The following NCOA3 variants were observed in gnomAD, a reference collection of about 807,000 sequenced individuals.
NCOA3 encodes nuclear receptor coactivator 3.
In NCOA3, 51 loss-of-function variants were observed where a neutral mutation model predicts 158.8. That is an observed-to-expected ratio of 0.32 (90% CI 0.26 to 0.41). NCOA3 has a LOEUF of 0.41. Among genes scored for constraint, NCOA3 ranks in the 10% least tolerant of loss-of-function variants. NCOA3 has a pLI of 1.00. For synonymous variants in NCOA3, 537 were observed against 592.4 expected, an observed-to-expected ratio of 0.91 and a Z score of 1.36; for missense variants, 1,510 against 1,746.6, an observed-to-expected ratio of 0.86 and a Z score of 2.41.
Position 47,649,073 on chromosome 20 carries a change from GATGAGGCCT to G in NCOA3, c.3620_3628del (p.Arg1207_Met1209del). ...ACCCTACTGCTGGTGGTGCTGCGGT[GATGAGGCCT>G]ATGATGCAGCCCCAGGTGAGCTCCC... On this transcript the variant is annotated inframe_deletion, in exon 19 of 23. Coordinates refer to ENST00000371998, the MANE Select transcript of NCOA3 (RefSeq NM_181659.3). 1.2e-6 allele frequency: 2 copies of G among 1,614,062 alleles called. No individual in the cohort carries two copies. Among genetic ancestry groups the G allele is most frequent in the Non-Finnish European group, 1.7e-6 (2 of 1,179,964 alleles).
rs112718266 is a variant in NCOA3, at chr20:47,537,352, A to G, written c.-99+35333A>G. On this transcript the variant is annotated intron_variant, in intron 1 of 22. Coordinates refer to ENST00000371998, the MANE Select transcript of NCOA3 (RefSeq NM_181659.3). Reference sequence around the variant, plus strand: ...GTGTAATTTACTTTTGCCTGTGGTCATCACTTCTACCTCTTAATGGAGTGT... The same window carrying G: ...GTGTAATTTACTTTTGCCTGTGGTCGTCACTTCTACCTCTTAATGGAGTGT... Among the ~76,000 whole-genome samples the G allele has an allele frequency of 7.6e-3, 1,090 of 144,066 alleles. 22 individuals carry two copies. Among genetic ancestry groups the G allele is most frequent in the African/African-American group, 0.027 (1,032 of 38,342 alleles). The allele number at this position is 144,066 out of a possible 152,430, so 94.5% of individuals were successfully genotyped here. A position where few individuals can be genotyped will look rare whatever the true frequency, so the allele number is the denominator to read the frequency against.
intron 2 of NCOA3, among the ~76,000 whole-genome samples, chr20:47,616,440 A>G (rs1353648367): frequency 6.6e-6 from 1 of 151,654 alleles, no homozygotes; most frequent in Admixed American, 6.6e-5. Flanking sequence ...TGATCCGCCC[A>G]CCTCGGCCTC....
At chr20:47,632,786 G>A (rs1238544878) in intron 8 of NCOA3, among the ~76,000 whole-genome samples, 3 of 150,698 alleles carry the variant, frequency 2.0e-5, no homozygotes, top group Admixed American at 6.6e-5. Flanking sequence ...AGGTTCCAGC[G>A]ATTCTCCTGC....
rs1350809001 is a variant in NCOA3 at position 47,635,543 on chromosome 20, G to C, written c.1334G>C (p.Gly445Ala). The part of the protein sequence containing the change: ...GSSNIASLTP[G>A]PGMQSPSSYQ... ...AGTAACATAGCTTCATTGACCCCTG[G>C]GCCAGGCATGCAATCACCATCTTCC... is the stretch of plus-strand genomic sequence containing the variant. Residue 445 changes from glycine (G) to alanine (A), a missense_variant, in exon 11 of 23, where the codon GGG becomes GCG. By Grantham distance (60) the Gly-to-Ala change is moderately conservative. Transcript: ENST00000371998. 2.5e-6 allele frequency: 4 copies of C among 1,613,924 alleles called. No homozygotes were observed. Among genetic ancestry groups the C allele is most frequent in the Non-Finnish European group, 3.4e-6 (4 of 1,180,038 alleles).
Position 47,624,083 on chromosome 20 carries a change from GGTAATAAA to G in NCOA3, c.256+1_256+8del, listed in dbSNP as rs1265980039. The G allele has an allele frequency of 6.3e-7, 1 of 1,599,028 alleles. No individual in the cohort carries two copies. The highest frequency in any genetic ancestry group is 2.2e-5 in the East Asian group (1 of 44,594). ...ACAGATACGTCAAATAAAAGAGCAA[GGTAATAAA>G]AACACTCATGTCTTTTTGAACAGTG... On this transcript the variant is annotated splice_donor_variant and splice_donor_5th_base_variant and intron_variant, in intron 4 of 22. Transcript: ENST00000371998. LOFTEE classifies it high-confidence loss of function.
chr20:47,541,008 A>G (rs192105882), intron 1 of NCOA3, among the ~76,000 whole-genome samples: 9 of 152,252 alleles, frequency 5.9e-5, no homozygotes, highest in Middle Eastern at 3.4e-3. Flanking sequence ...TAATTTTTTT[A>G]AATCTCCATA....
intron 16 of NCOA3, among the ~76,000 whole-genome samples, chr20:47,641,624 G>A (rs544539996): frequency 2.1e-5 from 3 of 142,308 alleles, no homozygotes; most frequent in East Asian, 2.2e-4. Flanking sequence ...TCAGCCTCCC[G>A]ACTAGCTGGG....
chr20:47,626,607 C>T (rs1431690404), intron 5 of NCOA3, among the ~76,000 whole-genome samples: 1 of 151,782 alleles, frequency 6.6e-6, no homozygotes, highest in Non-Finnish European at 1.5e-5. Flanking sequence ...ACACATTCTA[C>T]TTACTACTGT....
Position 47,516,029 on chromosome 20 carries a change from T to C in NCOA3, c.-99+14010T>C, listed in dbSNP as rs6018525. 7.2e-3 allele frequency among the ~76,000 whole-genome samples: 1,103 copies of C among 152,198 alleles called. 22 individuals carry two copies. The highest frequency in any genetic ancestry group is 0.025 in the African/African-American group (1,045 of 41,544). On this transcript the variant is annotated intron_variant, in intron 1 of 22. Coordinates refer to ENST00000371998, the MANE Select transcript of NCOA3 (RefSeq NM_181659.3). Reference sequence around the variant, plus strand: ...AGAAAGATCAGTGGTTGCCAGGAGTTAGTGGGGAGGAAAGAATGAGTAGAC... The same window carrying C: ...AGAAAGATCAGTGGTTGCCAGGAGTCAGTGGGGAGGAAAGAATGAGTAGAC...
rs940853991 is a variant in NCOA3 at position 47,594,111 on chromosome 20, T to G, written c.-20+10850T>G. On this transcript the variant is annotated intron_variant, in intron 2 of 22. Coordinates refer to ENST00000371998, the MANE Select transcript of NCOA3 (RefSeq NM_181659.3). ...GTATAAAAATCAACATTTGTTGATT[T>G]TGCCTTGGATATAACACCTCTCATA... Among the ~76,000 whole-genome samples the G allele has an allele frequency of 2.0e-5, 3 of 152,332 alleles. No homozygotes were observed. The East Asian group carries it at 5.8e-4, about 29-fold the overall frequency.
chr20:47,652,356 A>G, intron 20 of NCOA3, 50 bp from the exon 21 acceptor site: 1 of 1,510,124 alleles, frequency 6.6e-7, no homozygotes, highest in Non-Finnish European at 9.1e-7. Context: ...CTGATATTCT[A>G]AGGAGAAGGC....
chr20:47,539,501 C>T (rs1020427679), intron 1 of NCOA3, among the ~76,000 whole-genome samples: 1 of 152,110 alleles, frequency 6.6e-6, no homozygotes, highest in African/African-American at 2.4e-5. Flanking sequence ...GTAGCAGTAG[C>T]AGGTTTTTAT....
chr20:47,584,104 A>G (rs1420226315), intron 2 of NCOA3, among the ~76,000 whole-genome samples: 1 of 151,938 alleles, frequency 6.6e-6, no homozygotes, highest in East Asian at 1.9e-4. Flanking sequence ...AGACCAGCCT[A>G]AACAACACAG....
intron 1 of NCOA3, among the ~76,000 whole-genome samples, chr20:47,581,621 C>A (rs763676551): frequency 3.3e-5 from 5 of 152,092 alleles, no homozygotes; most frequent in Non-Finnish European, 7.4e-5. Context: ...AACTTTAGGG[C>A]GTAATTATGG....
At position 47,627,688 on chromosome 20, in the gene NCOA3, A is replaced by T. The variant is rs747682238; in HGVS notation, c.660A>T (p.Arg220Ser). Residue 220 changes from arginine to serine, a missense_variant, in exon 7 of 23, where the codon AGA becomes AGT. By Grantham distance (110) the Arg-to-Ser change is moderately radical. This residue lies in a region of NCOA3 where 309 missense variants were observed against 427.1 expected (regional missense o/e 0.72). Coordinates refer to ENST00000371998, the MANE Select transcript of NCOA3 (RefSeq NM_181659.3). ...ACGCCAGTCCTGAAATGCGCCAGAG[A>T]TATGAAACAATGCAGTGCTTTGCCC... ...DINASPEMRQ[R>S]YETMQCFALS... 3 of 1,614,220 alleles carry T rather than the reference A, an allele frequency of 1.9e-6. No homozygotes were observed. The highest frequency in any genetic ancestry group is 2.5e-6 in the Non-Finnish European group (3 of 1,180,042).
At chr20:47,526,353 C>A (rs1314813710) in intron 1 of NCOA3, among the ~76,000 whole-genome samples, 1 of 151,836 alleles carries the variant, frequency 6.6e-6, no homozygotes, top group Non-Finnish European at 1.5e-5. Flanking sequence ...ACTTCCCAGA[C>A]GGGGTGGCGG....
At chr20:47,526,493 C>T (rs546362197) in intron 1 of NCOA3, among the ~76,000 whole-genome samples, 50 of 152,368 alleles carry the variant, frequency 3.3e-4, no homozygotes, top group African/African-American at 1.2e-3. Flanking sequence ...GTGAACGAGA[C>T]TCCGTCTGCA....
Position 47,651,131 on chromosome 20 carries a change from G to A in NCOA3, c.3801G>A (p.Gln1267=). 1 of 1,612,584 alleles carries A rather than the reference G, an allele frequency of 6.2e-7. No homozygotes were observed. The change falls in exon 20 of 23, where the codon CAG becomes CAA. Residue 1267 remains glutamine, a synonymous_variant. Transcript: ENST00000371998. ...QQQQQQQQQQ[Q]QQQQQQQQQT... is the part of the protein sequence containing the mutation. The stretch of plus-strand genomic sequence containing the variant: ...AGCAGCAGCAGCAGCAACAGCAACA[G>A]CAACAGCAACAGCAGCAACAGCAGC...
At position 47,550,617 on chromosome 20, in the gene NCOA3, C is replaced by T. The variant is rs529262949; in HGVS notation, c.-98-32566C>T. Among the ~76,000 whole-genome samples, 55 of 152,174 alleles carry T rather than the reference C, an allele frequency of 3.6e-4. 1 individual carries two copies. Among genetic ancestry groups the T allele is most frequent in the African/African-American group, 1.2e-3 (51 of 41,500 alleles). The stretch of plus-strand genomic sequence containing the variant: ...TGAGGTGGAAGTTAATCAAATTGCT[C>T]TCTGAGAGATCATGAAAACATAATT... On this transcript the variant is annotated intron_variant, in intron 1 of 22. Transcript: ENST00000371998.
Sources: allele counts gnomAD v4.1 joint callset (sites outside exome capture counted in the v4.1 genomes callset), GRCh38; gene constraint gnomAD v4.1.1; regional missense constraint gnomAD v4.1.1; transcripts MANE v1.5; gene names NCBI Gene and HGNC (gene_info 2026-07-23, HGNC 2026-07-21).